Variants in CCDC102B observed in about 807,000 individuals in gnomAD.
The protein encoded by CCDC102B is coiled-coil domain containing 102B.
CCDC102B carries 75 observed loss-of-function variants against 57.4 expected under a neutral mutation model. The ratio of observed to expected loss-of-function variants is 1.31; its 90% CI spans 1.08 to 1.58. The LOEUF (loss-of-function observed/expected upper bound fraction) is 1.58, where lower values mean the gene tolerates loss of function less well. Among genes scored for constraint, CCDC102B ranks in the 40% most tolerant of loss-of-function variants. The pLI, the probability that CCDC102B is intolerant of heterozygous loss-of-function variation, is 0.00. For missense variants in CCDC102B, 636 were observed against 582.6 expected (o/e 1.09, Z -0.94); for synonymous variants, 206 against 201.9 (o/e 1.02, Z -0.17).
intron 1 of CCDC102B, among the ~76,000 whole-genome samples, chr18:68,809,756 G>A (rs924102823): frequency 5.9e-5 from 9 of 152,038 alleles, no homozygotes; most frequent in African/African-American, 2.4e-5. Flanking sequence ...AATATTTGTC[G>A]AATGAATAAA....
At chr18:68,906,664 CTT>C (rs1317240050) in intron 6 of CCDC102B, among the ~76,000 whole-genome samples, 2 of 152,018 alleles carry the variant, frequency 1.3e-5, no homozygotes, top group Non-Finnish European at 2.9e-5. Flanking sequence ...TACTCAAACT[CTT>C]TGACTAATTT....
At chr18:68,935,334 G>A (rs777825358) in intron 6 of CCDC102B, among the ~76,000 whole-genome samples, 42 of 152,064 alleles carry the variant, frequency 2.8e-4, no homozygotes, top group Middle Eastern at 3.4e-3. Context: ...GAGAACGTGA[G>A]GAGTCAAGAA....
chr18:68,953,014 T>C (rs963768976), intron 6 of CCDC102B, among the ~76,000 whole-genome samples: 4 of 152,084 alleles, frequency 2.6e-5, no homozygotes, highest in Non-Finnish European at 5.9e-5. Flanking sequence ...GATTATGATA[T>C]AGACACACAG....
chr18:68,786,212 T>C (rs1403372102), intron 2 of CCDC102B, among the ~76,000 whole-genome samples: 2 of 152,188 alleles, frequency 1.3e-5, no homozygotes, highest in African/African-American at 4.8e-5. Flanking sequence ...ACCAGTACCA[T>C]GCTGTTTTGG....
chr18:68,817,790 T>C (rs975480074), intron 1 of CCDC102B, among the ~76,000 whole-genome samples: 4 of 152,198 alleles, frequency 2.6e-5, no homozygotes, highest in African/African-American at 9.6e-5. Flanking sequence ...CTGAGACTCA[T>C]GTCTCATTTC....
chr18:68,977,401 G>A (rs868656555), intron 6 of CCDC102B, among the ~76,000 whole-genome samples: 10 of 151,834 alleles, frequency 6.6e-5, no homozygotes, highest in African/African-American at 2.4e-4. Context: ...TTCTCCTAAC[G>A]CTATCCCTCC....
In CCDC102B at chr18:68,837,134, G is replaced by C. The variant is rs1278200974; in HGVS notation, c.371G>C (p.Arg124Thr). The C allele has an allele frequency of 6.2e-7, 1 of 1,613,888 alleles. No individual in the cohort carries two copies. The highest frequency in any genetic ancestry group is 8.5e-7 in the Non-Finnish European group (1 of 1,179,964). The change falls in exon 2 of 8, where the codon AGA (arginine) becomes ACA (threonine). Residue 124 changes from arginine to threonine, a missense_variant. Arg to Thr is a moderately conservative substitution (Grantham distance 71). Coordinates refer to ENST00000360242, the MANE Select transcript of CCDC102B (RefSeq NM_024781.3). ...GCCAGGGAGGAAGGAAGACAACTCA[G>C]AATAAAACTAGAGATGGCGATGAAA... ...NSAREEGRQL[R>T]IKLEMAMKEL...
At chr18:68,920,110 C>CT (rs981973597) in intron 6 of CCDC102B, among the ~76,000 whole-genome samples, 48 of 152,154 alleles carry the variant, frequency 3.2e-4, no homozygotes, top group African/African-American at 1.1e-3. Context: ...GATCCTCTCC[C>CT]TCTCCCACCC....
At chr18:68,960,753 G>A (rs1268176237) in intron 6 of CCDC102B, among the ~76,000 whole-genome samples, 9 of 152,186 alleles carry the variant, frequency 5.9e-5, no homozygotes, top group African/African-American at 9.6e-5. Context: ...AGCACCAGCA[G>A]AGTTTTGCTT....
At chr18:68,834,924 T>C (rs997696365) in intron 1 of CCDC102B, among the ~76,000 whole-genome samples, 1 of 151,874 alleles carries the variant, frequency 6.6e-6, no homozygotes, top group African/African-American at 2.4e-5. Context: ...TGTAACTATA[T>C]AAAAGCAGAT....
At chr18:68,959,101 T>C (rs1304581199) in intron 6 of CCDC102B, among the ~76,000 whole-genome samples, 1 of 152,162 alleles carries the variant, frequency 6.6e-6, no homozygotes, top group Admixed American at 6.6e-5. Context: ...TTATTTATTG[T>C]AGTTTTCGCA....
chr18:68,762,993 A>C (rs1260897769), intron 2 of CCDC102B, among the ~76,000 whole-genome samples: 1 of 152,032 alleles, frequency 6.6e-6, no homozygotes, highest in Non-Finnish European at 1.5e-5. Flanking sequence ...CAAAGGCCTT[A>C]GGGGGGAAAA....
At chr18:68,944,473 T>G (rs567917970) in intron 6 of CCDC102B, among the ~76,000 whole-genome samples, 1 of 150,862 alleles carries the variant, frequency 6.6e-6, no homozygotes, top group South Asian at 2.1e-4. Context: ...GAGGGCCTGC[T>G]TCCTGGTTGG....
At chr18:68,772,583 T>A (rs2034676574) in intron 2 of CCDC102B, among the ~76,000 whole-genome samples, 1 of 152,190 alleles carries the variant, frequency 6.6e-6, no homozygotes, top group Non-Finnish European at 1.5e-5. Context: ...ATTCTAGTTC[T>A]TTTGTAAAAT....
At chr18:68,950,624 C>G (rs568851976) in intron 6 of CCDC102B, among the ~76,000 whole-genome samples, 1 of 152,020 alleles carries the variant, frequency 6.6e-6, no homozygotes, top group Non-Finnish European at 1.5e-5. Context: ...CAATCTGTTT[C>G]CCCCTTGGTT....
chr18:68,722,899 C>CTTT (rs370512490), intron 2 of CCDC102B, among the ~76,000 whole-genome samples: 7 of 131,808 alleles, frequency 5.3e-5, no homozygotes, highest in African/African-American at 1.1e-4. Context: ...TTTTTGCAAC[C>CTTT]TTTTTTTTTT....
intron 2 of CCDC102B, among the ~76,000 whole-genome samples, chr18:68,785,604 T>C (rs1017436058): frequency 5.3e-5 from 8 of 150,604 alleles, no homozygotes; most frequent in Non-Finnish European, 8.9e-5. Context: ...TTTCATGTGT[T>C]TTTTGGCTGC....
At chr18:68,731,085 C>G (rs1190731861) in intron 2 of CCDC102B, among the ~76,000 whole-genome samples, 2 of 152,154 alleles carry the variant, frequency 1.3e-5, no homozygotes, top group African/African-American at 4.8e-5. Context: ...CTCCCGGGAT[C>G]AAGCGATTCT....
chr18:68,886,856 A>C (rs1225673400), intron 5 of CCDC102B, among the ~76,000 whole-genome samples: 1 of 151,804 alleles, frequency 6.6e-6, no homozygotes, highest in Admixed American at 6.6e-5. Context: ...ATTTCAATGG[A>C]CCCCAGCAAA....
Sources: gnomAD v4.1 joint callset for allele counts (sites outside exome capture counted in the v4.1 genomes callset) on GRCh38, gnomAD v4.1.1 for gene constraint, MANE v1.5 for transcripts, NCBI Gene and HGNC (gene_info 2026-07-23, HGNC 2026-07-21) for gene names.